PCCA: variants seen among roughly 807,000 people sequenced by gnomAD.
PCCA encodes the protein propionyl-CoA carboxylase alpha chain, mitochondrial.
A neutral mutation model predicts 101.3 loss-of-function variants in PCCA; 74 were observed. That is an observed-to-expected ratio of 0.73 (90% CI 0.61 to 0.89). The LOEUF is 0.89. PCCA is among the 40% of genes least tolerant of loss of function. The pLI is 0.00. For missense variants in PCCA, 891 were observed against 907.0 expected, an observed-to-expected ratio of 0.98 and a Z score of 0.23; for synonymous variants, 294 against 313.6, an observed-to-expected ratio of 0.94 and a Z score of 0.66.
intron 16 of PCCA, among the ~76,000 whole-genome samples, chr13:100,328,913 C>T (rs895266516): frequency 2.7e-5 from 4 of 150,600 alleles, no homozygotes; most frequent in African/African-American, 7.3e-5. Context: ...AGGCTGGTCT[C>T]GAACTCCTTA....
chr13:100,515,585 C>G lies in PCCA; in HGVS notation c.2040+18C>G, dbSNP rs750759845. The G allele has an allele frequency of 3.7e-6, 6 of 1,612,432 alleles. No homozygotes were observed. The highest frequency in any genetic ancestry group is 4.5e-5 in the East Asian group (2 of 44,876). ...GAGACGCGGTAAGGGCTGTGTGTGT[C>G]TCTCTGCAGGACATGCTGGTCTCCA... On this transcript the variant is annotated intron_variant, in intron 22 of 23. Transcript: ENST00000376285.
intron 7 of PCCA, among the ~76,000 whole-genome samples, chr13:100,211,595 G>A (rs542995408): frequency 4.3e-4 from 65 of 152,064 alleles, no homozygotes; most frequent in South Asian, 2.1e-4. Context: ...ATTCCTTCCC[G>A]ATTGTTCTTC....
chr13:100,250,812 A>G (rs2061703187), intron 8 of PCCA, among the ~76,000 whole-genome samples: 1 of 152,212 alleles, frequency 6.6e-6, no homozygotes, highest in African/African-American at 2.4e-5. Context: ...TTAGGCTTTA[A>G]AAAAGTTTTC....
At chr13:100,172,382 C>T (rs1361804764) in intron 6 of PCCA, among the ~76,000 whole-genome samples, 2 of 151,676 alleles carry the variant, frequency 1.3e-5, no homozygotes, top group African/African-American at 4.9e-5. Context: ...CTATTAAATT[C>T]CTTTTACATG....
At chr13:100,347,221 G>T (rs1031798727) in intron 18 of PCCA, among the ~76,000 whole-genome samples, 3 of 152,044 alleles carry the variant, frequency 2.0e-5, no homozygotes, top group Admixed American at 6.6e-5. Context: ...AAGAGCTATC[G>T]CACACTTAAT....
Position 100,307,264 on chromosome 13 carries a change from AG to A in PCCA, c.1353+5del. ...TTATGATCCTATGATTTCAAAAGTTAGTTTAATTTCTCAATGGATTATTTGA... is the reference window on the plus strand; with the variant it reads ...TTATGATCCTATGATTTCAAAAGTTATTTAATTTCTCAATGGATTATTTGA... On this transcript the variant is annotated splice_donor_5th_base_variant and intron_variant, in intron 15 of 23. Transcript: ENST00000376285. 23 of 1,565,730 alleles carry A rather than the reference AG, an allele frequency of 1.5e-5. No homozygotes were observed. The highest frequency in any genetic ancestry group is 2.0e-5 in the Non-Finnish European group (23 of 1,136,448).
chr13:100,483,083 G>A (rs2084077130), intron 21 of PCCA, among the ~76,000 whole-genome samples: 2 of 152,072 alleles, frequency 1.3e-5, no homozygotes, highest in African/African-American at 4.8e-5. Context: ...ATTTGGCCTA[G>A]ACTGGTCTTT....
chr13:100,469,649 G>A (rs2082833104), intron 21 of PCCA, among the ~76,000 whole-genome samples: 1 of 151,880 alleles, frequency 6.6e-6, no homozygotes, highest in South Asian at 2.1e-4. Flanking sequence ...GGTGGCAGGC[G>A]CCTGTAGTCT....
chr13:100,351,880 TA>T (rs1329698229), intron 18 of PCCA, among the ~76,000 whole-genome samples: 2 of 152,192 alleles, frequency 1.3e-5, no homozygotes, highest in Non-Finnish European at 2.9e-5. Flanking sequence ...GTTCTGTGAA[TA>T]AATCCTGTGA....
intron 4 of PCCA, 126 bp from the exon 5 acceptor site, chr13:100,154,853 C>G (rs2152382538): frequency 1.3e-6 from 1 of 744,694 alleles, no homozygotes; most frequent in Non-Finnish European, 2.4e-6. Flanking sequence ...AGTGCATACT[C>G]AAAAAGAAAT....
chr13:100,331,107 A>T (rs2069493129), intron 17 of PCCA, among the ~76,000 whole-genome samples: 1 of 152,218 alleles, frequency 6.6e-6, no homozygotes, highest in African/African-American at 2.4e-5. Context: ...ATGAAAATCT[A>T]GGAAGATGAT....
At chr13:100,486,078 G>A (rs1040023447) in intron 21 of PCCA, among the ~76,000 whole-genome samples, 1 of 152,202 alleles carries the variant, frequency 6.6e-6, no homozygotes, top group African/African-American at 2.4e-5. Flanking sequence ...GGAGCCCATC[G>A]TAGTGTCATG....
At chr13:100,321,583 TAGA>T (rs2068038593) in intron 16 of PCCA, among the ~76,000 whole-genome samples, 1 of 69,330 alleles carries the variant, frequency 1.4e-5, no homozygotes, top group Non-Finnish European at 3.0e-5. Flanking sequence ...GCATGCGCTA[TAGA>T]AGATCTGTGT....
At chr13:100,406,241 A>G (rs2077669724) in intron 19 of PCCA, among the ~76,000 whole-genome samples, 1 of 152,230 alleles carries the variant, frequency 6.6e-6, no homozygotes, top group Non-Finnish European at 1.5e-5. Context: ...GTCCTGTTGC[A>G]AAAGAAAAAT....
At chr13:100,200,906 C>T (rs1013703390) in intron 6 of PCCA, among the ~76,000 whole-genome samples, 1 of 151,974 alleles carries the variant, frequency 6.6e-6, no homozygotes, top group Admixed American at 6.6e-5. Context: ...TTCAAAATTG[C>T]AGAACTTTAA....
intron 4 of PCCA, among the ~76,000 whole-genome samples, chr13:100,131,556 G>A (rs921058056): frequency 2.0e-5 from 3 of 152,080 alleles, no homozygotes; most frequent in Non-Finnish European, 2.9e-5. Context: ...CATTCACATT[G>A]TTTTGCAGGA....
At chr13:100,436,607 G>A (rs1189859685) in intron 20 of PCCA, among the ~76,000 whole-genome samples, 2 of 152,212 alleles carry the variant, frequency 1.3e-5, no homozygotes, top group East Asian at 1.9e-4. Context: ...CCTGCCTCCA[G>A]ACCCTATTCT....
At chr13:100,405,807 T>C (rs1224250416) in intron 19 of PCCA, among the ~76,000 whole-genome samples, 2 of 146,126 alleles carry the variant, frequency 1.4e-5, no homozygotes, top group East Asian at 2.1e-4. Flanking sequence ...AGTCTTGCTC[T>C]GTTGCCAGGC....
chr13:100,482,841 A>G (rs551930918), intron 21 of PCCA, among the ~76,000 whole-genome samples: 1 of 152,316 alleles, frequency 6.6e-6, no homozygotes, highest in Non-Finnish European at 1.5e-5. Context: ...GCTAACATGG[A>G]TATAACAAAA....
Sources: gnomAD v4.1 joint callset for allele counts (sites outside exome capture counted in the v4.1 genomes callset) on GRCh38, gnomAD v4.1.1 for gene constraint, MANE v1.5 for transcripts, NCBI Gene and HGNC (gene_info 2026-07-23, HGNC 2026-07-21) for gene names.